PPM1B: variants seen among roughly 807,000 people sequenced by gnomAD.
PPM1B encodes the protein protein phosphatase, Mg2+/Mn2+ dependent 1B, also known as protein phosphatase 1B.
Under a neutral mutation model 43.0 loss-of-function variants are expected in PPM1B, and 22 were observed. The ratio of observed to expected loss-of-function variants is 0.51; its 90% confidence interval spans 0.37 to 0.73. The LOEUF is 0.73. PPM1B is among the 30% of genes least tolerant of loss of function. The pLI, the probability that PPM1B is intolerant of heterozygous loss-of-function variation, is 0.00. For synonymous variants in PPM1B, 217 were observed against 197.9 expected (o/e 1.10, Z -0.81); for missense variants, 632 against 584.2 (o/e 1.08, Z -0.84).
In PPM1B at chr2:44,201,051, TTTG is replaced by T; in HGVS notation, c.-14-128_-14-126del. ...TGTAGGGGAGGAAATTTCTTGGGCT[TTTG>T]TTGTTGCTCCCGTAAATTAGGATAA... On this transcript the variant is annotated intron_variant, in intron 1 of 5. Transcript: ENST00000282412. This position sits in a 1 kb window ranked among gnomAD's most constrained non-coding sequence, Gnocchi z 5.4. 1.1e-6 allele frequency: 1 copy of T among 933,288 alleles called. No individual in the cohort carries two copies. The highest frequency in any genetic ancestry group is 1.5e-6 in the Non-Finnish European group (1 of 657,754). The allele number at this position is 933,288 out of a possible 1,614,324, so 57.8% of individuals were successfully genotyped here. A position where few individuals can be genotyped will look rare whatever the true frequency, so the allele number is the denominator to read the frequency against.
In PPM1B at chr2:44,169,095, ATCG is replaced by A. The variant is rs934753679; in HGVS notation, c.-193_-191del. ...GGCGCTAGGGTGGAGAGAAGGCGGC[ATCG>A]GCGGCGGCGGCGGCGTGAGGGGCCG... On this transcript the variant is annotated 5_prime_UTR_variant, in exon 1 of 6. Transcript: ENST00000282412. 6.7e-4 allele frequency: 123 copies of A among 183,730 alleles called. No individual in the cohort carries two copies. Among genetic ancestry groups the A allele is most frequent in the South Asian group, 1.7e-3 (21 of 12,510 alleles). The allele number at this position is 183,730 out of a possible 1,614,324, so 11.4% of individuals were successfully genotyped here.
intron 1 of PPM1B, among the ~76,000 whole-genome samples, chr2:44,179,951 G>C (rs1235717140): frequency 6.7e-6 from 1 of 149,192 alleles, no homozygotes; most frequent in Non-Finnish European, 1.5e-5. Flanking sequence ...AGAGGTTGCA[G>C]TGAGCCGAGA....
chr2:44,201,785 T>C lies in PPM1B; in HGVS notation c.586T>C (p.Leu196=). The change falls in exon 2 of 6, where the codon TTA becomes CTA. Residue 196 remains leucine, a synonymous_variant. Coordinates refer to ENST00000282412, the MANE Select transcript of PPM1B (RefSeq NM_002706.6). This position sits in a 1 kb window ranked among gnomAD's most constrained non-coding sequence, Gnocchi z 5.4. ...SVMIQRVNGS[L]AVSRALGDYD... ...GATGATACAACGTGTTAATGGTTCA[T>C]TAGCAGTATCTCGTGCTCTGGGGGA... 2 of 1,614,200 alleles carry C rather than the reference T, an allele frequency of 1.2e-6. No individual in the cohort carries two copies. Among genetic ancestry groups the C allele is most frequent in the Non-Finnish European group, 1.7e-6 (2 of 1,180,022 alleles).
chr2:44,208,158 G>C (rs1402752234), intron 2 of PPM1B, among the ~76,000 whole-genome samples: 1 of 152,004 alleles, frequency 6.6e-6, no homozygotes, highest in Non-Finnish European at 1.5e-5. Context: ...AAAGTGCTGG[G>C]ATTACAGGCG....
At chr2:44,189,666 T>C (rs1322044619) in intron 1 of PPM1B, among the ~76,000 whole-genome samples, 1 of 152,188 alleles carries the variant, frequency 6.6e-6, no homozygotes, top group Non-Finnish European at 1.5e-5. Context: ...GGTTTCGCCA[T>C]GTTGGCCAGG....
rs1668915270 is a variant in PPM1B at position 44,201,171 on chromosome 2, C to T, written c.-14-15C>T. 1.3e-6 allele frequency: 2 copies of T among 1,557,540 alleles called. No individual in the cohort carries two copies. The highest frequency in any genetic ancestry group is 1.7e-6 in the Non-Finnish European group (2 of 1,149,982). ...GTCAAATTTAAACATTTAACACCTGCATTTTTTATTTCAGATTTATTGCTA... is the reference window on the plus strand; with the variant it reads ...GTCAAATTTAAACATTTAACACCTGTATTTTTTATTTCAGATTTATTGCTA... On this transcript the variant is annotated splice_polypyrimidine_tract_variant and intron_variant, in intron 1 of 5. Coordinates refer to ENST00000282412, the MANE Select transcript of PPM1B (RefSeq NM_002706.6). This position sits in a 1 kb window ranked among gnomAD's most constrained non-coding sequence, Gnocchi z 5.4.
At chr2:44,224,543 A>C (rs1235513492) in intron 5 of PPM1B, among the ~76,000 whole-genome samples, 1 of 151,844 alleles carries the variant, frequency 6.6e-6, no homozygotes, top group East Asian at 1.9e-4. Flanking sequence ...AGCTGGTTAA[A>C]TTTTATTTTT....
At chr2:44,187,191 C>A (rs188351398) in intron 1 of PPM1B, among the ~76,000 whole-genome samples, 2 of 152,130 alleles carry the variant, frequency 1.3e-5, no homozygotes, top group Non-Finnish European at 2.9e-5. Context: ...TAGTATTTGT[C>A]TTTTTGTGAC....
chr2:44,169,199 C>G lies in PPM1B; in HGVS notation c.-90C>G, dbSNP rs1372002480. On this transcript the variant is annotated 5_prime_UTR_variant, in exon 1 of 6. Transcript: ENST00000282412. Reference sequence around the variant, plus strand: ...GGCGGCTGAGTCAGGGTCGCGCCTCCGTTGGAAACTTGGGCTGAGTACCGC... The same window carrying G: ...GGCGGCTGAGTCAGGGTCGCGCCTCGGTTGGAAACTTGGGCTGAGTACCGC... The G allele has an allele frequency of 1.9e-5, 3 of 159,886 alleles. No homozygotes were observed. Among genetic ancestry groups the G allele is most frequent in the South Asian group, 1.3e-4 (1 of 7,478 alleles). 9.9% of individuals were successfully genotyped at this position (159,886 alleles called of 1,614,324 possible). A position where few individuals can be genotyped will look rare whatever the true frequency, so the allele number is the denominator to read the frequency against.
chr2:44,185,262 G>T (rs557715056), intron 1 of PPM1B, among the ~76,000 whole-genome samples: 1 of 152,098 alleles, frequency 6.6e-6, no homozygotes, highest in African/African-American at 2.4e-5. Flanking sequence ...GACAAGTGAC[G>T]TTAAATTAAT....
intron 3 of PPM1B, chr2:44,213,795 A>G (rs1397478197): frequency 6.6e-6 from 1 of 152,200 alleles, no homozygotes; most frequent in East Asian, 1.9e-4. Flanking sequence ...ATGCGGTCAT[A>G]TTCCTATTGA....
intron 1 of PPM1B, among the ~76,000 whole-genome samples, chr2:44,199,229 G>T (rs1446134013): frequency 6.9e-6 from 1 of 144,088 alleles, no homozygotes; most frequent in East Asian, 2.0e-4. Flanking sequence ...TTGCACTCCA[G>T]CCTGGGCGAT....
intron 5 of PPM1B, chr2:44,229,926 T>A: frequency 1.5e-6 from 2 of 1,364,200 alleles, no homozygotes; most frequent in Non-Finnish European, 2.0e-6. Flanking sequence ...CCGTAAAAAC[T>A]CTAAAATCTT....
At chr2:44,220,645 G>C (rs775939900) in intron 5 of PPM1B, among the ~76,000 whole-genome samples, 1 of 152,214 alleles carries the variant, frequency 6.6e-6, no homozygotes, top group Non-Finnish European at 1.5e-5. Flanking sequence ...TGTGTGTCTA[G>C]TGCAGCTTAC....
chr2:44,208,319 A>T (rs1206821122), intron 2 of PPM1B, among the ~76,000 whole-genome samples: 3 of 152,226 alleles, frequency 2.0e-5, no homozygotes, highest in Non-Finnish European at 2.9e-5. Flanking sequence ...TAGCAATCTG[A>T]TGTCTTTTCT....
downstream of PPM1B, among the ~76,000 whole-genome samples, chr2:44,235,017 C>A (rs997632046): frequency 6.6e-6 from 1 of 152,118 alleles, no homozygotes; most frequent in Non-Finnish European, 1.5e-5. Context: ...TGGCCTCACA[C>A]AGATAGGTAG....
chr2:44,189,087 G>A (rs1668281002), intron 1 of PPM1B, among the ~76,000 whole-genome samples: 1 of 151,998 alleles, frequency 6.6e-6, no homozygotes, highest in African/African-American at 2.4e-5. Flanking sequence ...GCCCAGGCTG[G>A]TCTTGAACTC....
At chr2:44,196,072 C>T (rs1668647747) in intron 1 of PPM1B, among the ~76,000 whole-genome samples, 1 of 152,176 alleles carries the variant, frequency 6.6e-6, no homozygotes, top group Admixed American at 6.5e-5. Flanking sequence ...CACTTGAACC[C>T]TTACAATTAA....
intron 1 of PPM1B, among the ~76,000 whole-genome samples, chr2:44,175,173 G>C (rs1667523411): frequency 6.6e-6 from 1 of 152,150 alleles, no homozygotes. Context: ...AGAATCGCTT[G>C]AACCCAGGAG....
Sources: allele counts gnomAD v4.1 joint callset (sites outside exome capture counted in the v4.1 genomes callset), GRCh38; gene constraint gnomAD v4.1.1; non-coding constraint Gnocchi (gnomAD v3.1); transcripts MANE v1.5; gene names NCBI Gene and HGNC (gene_info 2026-07-23, HGNC 2026-07-21).